GNG7: variants seen among roughly 807,000 people sequenced by gnomAD.
The protein encoded by GNG7 is G protein subunit gamma 7, also known as guanine nucleotide-binding protein G(I)/G(S)/G(O) subunit gamma-7.
GNG7 carries 1 observed loss-of-function variant against 4.0 expected under a neutral mutation model. That is an observed-to-expected ratio of 0.25 (90% CI 0.09 to 1.18). The LOEUF is 1.18. Among genes scored for constraint, GNG7 ranks in the 50% most tolerant of loss-of-function variants. The pLI is 0.50. For synonymous variants in GNG7, 34 were observed against 36.9 expected (o/e 0.92, Z 0.29); for missense variants, 86 against 91.9 (o/e 0.94, Z 0.26).
At chr19:2,549,091 A>G (rs1220273634) in intron 3 of GNG7, among the ~76,000 whole-genome samples, 1 of 152,188 alleles carries the variant, frequency 6.6e-6, no homozygotes, top group East Asian at 1.9e-4. Flanking sequence ...AGGTCTGGAC[A>G]TGAAGGTTTG....
chr19:2,538,155 G>A (rs950931737), intron 3 of GNG7: 1 of 456,574 alleles, frequency 2.2e-6, no homozygotes, highest in Non-Finnish European at 4.4e-6. Flanking sequence ...AGGCCCTGAT[G>A]CCATGGATGG....
intron 2 of GNG7, among the ~76,000 whole-genome samples, chr19:2,592,923 G>GAGGGAGGGAAGGAAGGA (rs1980893031): frequency 2.8e-5 from 4 of 142,964 alleles, no homozygotes; most frequent in African/African-American, 1.0e-4. Context: ...GAAGGAAGGA[G>GAGGGAGGGAAGGAAGGA]AGGGAGGGAA....
At chr19:2,638,726 T>C (rs1160439559) in intron 2 of GNG7, among the ~76,000 whole-genome samples, 1 of 120,668 alleles carries the variant, frequency 8.3e-6, no homozygotes, top group Non-Finnish European at 1.7e-5. Flanking sequence ...TCCCTAGACA[T>C]CTCCCAGCAT....
At chr19:2,638,047 G>A (rs1982363208) in intron 2 of GNG7, among the ~76,000 whole-genome samples, 2 of 152,088 alleles carry the variant, frequency 1.3e-5, no homozygotes, top group South Asian at 4.1e-4. Flanking sequence ...TGTCCAGTGT[G>A]AGCAGGGACT....
rs1981675960 is a variant in GNG7 at position 2,614,882 on chromosome 19, C to T, written c.-78+31342G>A. Among the ~76,000 whole-genome samples, 1 of 152,232 alleles carries T rather than the reference C, an allele frequency of 6.6e-6. No homozygotes were observed. Among genetic ancestry groups the T allele is most frequent in the Admixed American group, 6.5e-5 (1 of 15,284 alleles). The stretch of plus-strand genomic sequence containing the variant: ...ACCAGACTGGTTTCCAAGGCGGCTG[C>T]CCCATCTTGCATCACACATCAATTC... On this transcript the variant is annotated intron_variant, in intron 2 of 4. Transcript: ENST00000382159. This position sits in a 1 kb window ranked among gnomAD's most constrained non-coding sequence, Gnocchi z 6.0.
At chr19:2,585,140 G>A (rs1190897335) in intron 2 of GNG7, among the ~76,000 whole-genome samples, 1 of 148,752 alleles carries the variant, frequency 6.7e-6, no homozygotes, top group Non-Finnish European at 1.5e-5. Flanking sequence ...AGGAAGGAAG[G>A]GCCTTGTTCT....
chr19:2,602,338 AAAC>A lies in GNG7; in HGVS notation c.-78+43883_-78+43885del, dbSNP rs10633644. ...GGCGACAGAGCGAGACTCCGTCTCA[AAAC>A]AACAACAGAAAAAGCAGCACTGAGG... On this transcript the variant is annotated intron_variant, in intron 2 of 4. Coordinates refer to ENST00000382159, the MANE Select transcript of GNG7 (RefSeq NM_052847.3). Among the ~76,000 whole-genome samples, 131 of 151,938 alleles carry A rather than the reference AAAC, an allele frequency of 8.6e-4. 1 individual carries two copies. The Middle Eastern group carries it at 0.034, about 39-fold the overall frequency.
chr19:2,645,865 A>G (rs1161470187), intron 2 of GNG7, among the ~76,000 whole-genome samples: 1 of 152,206 alleles, frequency 6.6e-6, no homozygotes. Context: ...GTCACTCTCC[A>G]GGTGCACAGG....
At chr19:2,594,545 C>T (rs148478001) in intron 2 of GNG7, among the ~76,000 whole-genome samples, 6 of 152,152 alleles carry the variant, frequency 3.9e-5, no homozygotes, top group South Asian at 2.1e-4. Context: ...CTCTGAGTGT[C>T]GTCACCTCCT....
intron 3 of GNG7, among the ~76,000 whole-genome samples, chr19:2,554,153 T>TATA (rs369258403): frequency 0.034 from 5,066 of 146,986 alleles, 115 homozygotes; most frequent in African/African-American, 0.054. Context: ...TGAACTATAA[T>TATA]ATATTATATA....
chr19:2,638,761 A>G (rs1002780175), intron 2 of GNG7, among the ~76,000 whole-genome samples: 2 of 151,392 alleles, frequency 1.3e-5, no homozygotes, highest in Non-Finnish European at 2.9e-5. Flanking sequence ...AGGGGAGGGG[A>G]GGGTTGGGTC....
chr19:2,588,721 G>T (rs1980751092), intron 2 of GNG7, among the ~76,000 whole-genome samples: 1 of 152,212 alleles, frequency 6.6e-6, no homozygotes, highest in Admixed American at 6.5e-5. Context: ...GGTTGTCCTG[G>T]TTGGAGTGGC....
intron 1 of GNG7, among the ~76,000 whole-genome samples, chr19:2,662,540 C>T (rs533639622): frequency 5.9e-5 from 9 of 152,068 alleles, no homozygotes; most frequent in South Asian, 2.1e-4. Flanking sequence ...CAGCAGCTCT[C>T]GGAATTCAGG....
In GNG7 at chr19:2,643,190, G is replaced by A. The variant is rs539968507; in HGVS notation, c.-78+3034C>T. The A allele has an allele frequency of 1.8e-5, 8 of 452,742 alleles. No homozygotes were observed. The East Asian group carries it at 5.0e-4, about 28-fold the overall frequency. 28.0% of individuals were successfully genotyped at this position (452,742 alleles called of 1,614,324 possible). A position where few individuals can be genotyped will look rare whatever the true frequency, so the allele number is the denominator to read the frequency against. On this transcript the variant is annotated intron_variant, in intron 2 of 4. Transcript: ENST00000382159. ...GAAATGCAAAGTCGGAGACCTCTCC[G>A]GGCTCTGCACACCTTCCGGCCTTGC...
chr19:2,678,383 C>T (rs1251738846), intron 1 of GNG7, among the ~76,000 whole-genome samples: 4 of 152,166 alleles, frequency 2.6e-5, no homozygotes, highest in African/African-American at 9.7e-5. Context: ...TGTGGCATAG[C>T]AAGGCTTTGG....
Position 2,550,057 on chromosome 19 carries a change from A to G in GNG7, c.-38+5092T>C, listed in dbSNP as rs1381822452. ...GGCCTCTTTCCGCTCTCAGTGGAAAAGGGAAATGTGGCTGCCTTGGGTCTG... is the reference window on the plus strand; with the variant it reads ...GGCCTCTTTCCGCTCTCAGTGGAAAGGGGAAATGTGGCTGCCTTGGGTCTG... On this transcript the variant is annotated intron_variant, in intron 3 of 4. Transcript: ENST00000382159. Among the ~76,000 whole-genome samples the G allele has an allele frequency of 5.9e-5, 9 of 152,184 alleles. No individual in the cohort carries two copies. The South Asian group carries it at 6.2e-4, about 10-fold the overall frequency.
At chr19:2,700,044 G>A (rs1913362805) in intron 1 of GNG7, among the ~76,000 whole-genome samples, 1 of 151,370 alleles carries the variant, frequency 6.6e-6, no homozygotes, top group African/African-American at 2.4e-5. Context: ...TTAATAATAT[G>A]GAAACAGGCT....
At chr19:2,539,302 T>C (rs1188245386) in intron 3 of GNG7, among the ~76,000 whole-genome samples, 2 of 143,370 alleles carry the variant, frequency 1.4e-5, no homozygotes, top group African/African-American at 5.5e-5. Flanking sequence ...TAAACATATA[T>C]ACCAACTTTT....
intron 2 of GNG7, among the ~76,000 whole-genome samples, chr19:2,573,778 G>C (rs1980224377): frequency 6.6e-6 from 1 of 152,166 alleles, no homozygotes; most frequent in Non-Finnish European, 1.5e-5. Context: ...GGGAGGCGGA[G>C]GTGGCAGTGA....
Sources: allele counts gnomAD v4.1 joint callset (sites outside exome capture counted in the v4.1 genomes callset), GRCh38; gene constraint gnomAD v4.1.1; non-coding constraint Gnocchi (gnomAD v3.1); transcripts MANE v1.5; gene names NCBI Gene and HGNC (gene_info 2026-07-23, HGNC 2026-07-21).